The following UBE2G1 variants were observed in gnomAD, a reference collection of about 807,000 sequenced individuals.
UBE2G1 encodes the protein ubiquitin-conjugating enzyme E2 G1.
Under a neutral mutation model 22.7 loss-of-function variants are expected in UBE2G1, and 5 were observed. That is an observed-to-expected ratio of 0.22 (90% CI 0.12 to 0.46). The LOEUF (loss-of-function observed/expected upper bound fraction) is 0.46, where lower values mean the gene tolerates loss of function less well. UBE2G1 is among the 20% of genes least tolerant of loss of function. The pLI, the probability that UBE2G1 is intolerant of heterozygous loss-of-function variation, is 0.99. For missense variants in UBE2G1, 88 were observed against 203.9 expected (o/e 0.43, Z 3.46); for synonymous variants, 74 against 67.5 (o/e 1.10, Z -0.47).
chr17:4,276,560 A>C (rs866301943), intron 5 of UBE2G1, among the ~76,000 whole-genome samples: 4 of 152,314 alleles, frequency 2.6e-5, no homozygotes, highest in South Asian at 2.1e-4. Context: ...TATCTATCGC[A>C]TTCTATGTGT....
chr17:4,319,260 G>A (rs1969409488), intron 1 of UBE2G1, among the ~76,000 whole-genome samples: 2 of 152,124 alleles, frequency 1.3e-5, no homozygotes, highest in South Asian at 2.1e-4. Context: ...TCTGTCAAAT[G>A]AGGCACTGAA....
chr17:4,349,819 G>A (rs559374370), intron 1 of UBE2G1, among the ~76,000 whole-genome samples: 5 of 150,976 alleles, frequency 3.3e-5, no homozygotes, highest in East Asian at 1.9e-4. Flanking sequence ...CTCCAGTCTC[G>A]GCGACAGAGC....
At chr17:4,295,967 C>T (rs2325987) in intron 3 of UBE2G1, among the ~76,000 whole-genome samples, 140,741 of 146,716 alleles carry the variant, frequency 0.96, 67,815 homozygotes, top group East Asian at 1. Context: ...AAATGTAATA[C>T]GTTGTTTCAT....
intron 1 of UBE2G1, among the ~76,000 whole-genome samples, chr17:4,355,108 T>G (rs1417396469): frequency 6.6e-6 from 1 of 151,756 alleles, no homozygotes; most frequent in Non-Finnish European, 1.5e-5. Context: ...AAACAAAGAT[T>G]TGATGTGATT....
intron 1 of UBE2G1, among the ~76,000 whole-genome samples, chr17:4,322,823 G>C (rs930448533): frequency 6.6e-6 from 1 of 152,072 alleles, no homozygotes; most frequent in Non-Finnish European, 1.5e-5. Flanking sequence ...TAACAGTTAC[G>C]GTAATACTTC....
intron 1 of UBE2G1, among the ~76,000 whole-genome samples, chr17:4,308,076 G>A (rs1048106393): frequency 2.6e-5 from 4 of 152,166 alleles, no homozygotes; most frequent in South Asian, 2.1e-4. Context: ...CAATTTGGCC[G>A]GGCGTGGTGG....
intron 3 of UBE2G1, among the ~76,000 whole-genome samples, chr17:4,292,253 G>A (rs1330970123): frequency 6.6e-6 from 1 of 151,124 alleles, no homozygotes; most frequent in African/African-American, 2.4e-5. Context: ...TTGAACCTGG[G>A]AGGCGGAGGT....
chr17:4,306,280 C>T (rs1316320831), intron 2 of UBE2G1, among the ~76,000 whole-genome samples: 2 of 152,150 alleles, frequency 1.3e-5, no homozygotes, highest in Admixed American at 6.5e-5. Context: ...CTTCTGCCTC[C>T]TGAGTTCAAG....
At chr17:4,363,298 T>C (rs965212034) in intron 1 of UBE2G1, among the ~76,000 whole-genome samples, 2 of 152,152 alleles carry the variant, frequency 1.3e-5, no homozygotes, top group Non-Finnish European at 2.9e-5. Context: ...AACAATCCCA[T>C]TGTTTCTGAT....
intron 5 of UBE2G1, among the ~76,000 whole-genome samples, chr17:4,278,338 G>A (rs1056616083): frequency 6.6e-6 from 1 of 152,128 alleles, no homozygotes; most frequent in Middle Eastern, 3.2e-3. Flanking sequence ...CTACAGCAGG[G>A]GTGCCCAGTC....
chr17:4,269,948 G>T lies in UBE2G1; in HGVS notation c.*2606C>A, dbSNP rs1277463046. 2 of 152,718 alleles carry T rather than the reference G, an allele frequency of 1.3e-5. No individual in the cohort carries two copies. The highest frequency in any genetic ancestry group is 2.4e-5 in the African/African-American group (1 of 41,430). 9.5% of individuals were successfully genotyped at this position (152,718 alleles called of 1,614,324 possible). On this transcript the variant is annotated 3_prime_UTR_variant, in exon 6 of 6. Transcript: ENST00000396981. ...CCTGAATGTGGGTTTCGTATCAAAT[G>T]TAGAGGCATTTAAATTTACATTATC...
At chr17:4,361,832 C>T (rs955521597) in intron 1 of UBE2G1, among the ~76,000 whole-genome samples, 8 of 151,962 alleles carry the variant, frequency 5.3e-5, no homozygotes, top group African/African-American at 7.2e-5. Flanking sequence ...ATCCCAGCTA[C>T]TTGGGAGGCT....
chr17:4,312,694 TCA>T (rs869154403), intron 1 of UBE2G1, among the ~76,000 whole-genome samples: 1 of 26,030 alleles, frequency 3.8e-5, no homozygotes, highest in Admixed American at 7.7e-4. Flanking sequence ...AGACTCCATC[TCA>T]AAAAAAAAAA....
chr17:4,271,003 GCTA>G lies in UBE2G1; in HGVS notation c.*1548_*1550del, dbSNP rs2143659097. The G allele has an allele frequency of 6.6e-6, 1 of 152,284 alleles. No individual in the cohort carries two copies. The highest frequency in any genetic ancestry group is 1.9e-4 in the East Asian group (1 of 5,184). 9.4% of individuals were successfully genotyped at this position (152,284 alleles called of 1,614,324 possible). A position where few individuals can be genotyped will look rare whatever the true frequency, so the allele number is the denominator to read the frequency against. ...CACAATCAAACACCATGTCCCATCT[GCTA>G]CTGTCTCAAGTTCTATCCCTTATAA... On this transcript the variant is annotated 3_prime_UTR_variant, in exon 6 of 6. Transcript: ENST00000396981.
chr17:4,314,150 A>C (rs1412787779), intron 1 of UBE2G1, among the ~76,000 whole-genome samples: 1 of 152,224 alleles, frequency 6.6e-6, no homozygotes, highest in Non-Finnish European at 1.5e-5. Context: ...AGTAGTGCCC[A>C]GAATATGGTT....
intron 1 of UBE2G1, among the ~76,000 whole-genome samples, chr17:4,315,584 C>CA (rs71383546): frequency 2.7e-5 from 4 of 150,814 alleles, no homozygotes; most frequent in East Asian, 4.0e-4. Context: ...ACCAAAAATA[C>CA]AAAAAAATAG....
At chr17:4,306,869 C>A (rs74458278) in intron 2 of UBE2G1, 152 bp downstream of exon 2, 35,769 of 526,480 alleles carry the variant, frequency 0.068, 1,607 homozygotes, top group Non-Finnish European at 0.091. Context: ...CCAGGCTGGT[C>A]TCGAACTCCT....
chr17:4,357,505 GTGT>G (rs796584598), intron 1 of UBE2G1, among the ~76,000 whole-genome samples: 809 of 41,704 alleles, frequency 0.019, 37 homozygotes, highest in African/African-American at 0.065. Context: ...GTGTGTGTGT[GTGT>G]GGGGGGGGGG....
At chr17:4,301,976 T>C in intron 2 of UBE2G1, 1 of 491,090 alleles carries the variant, frequency 2.0e-6, no homozygotes, top group Non-Finnish European at 4.1e-6. Flanking sequence ...AATCTGTGCC[T>C]TCCTTGGCTC....
Sources: gnomAD v4.1 joint callset for allele counts (sites outside exome capture counted in the v4.1 genomes callset) on GRCh38, gnomAD v4.1.1 for gene constraint, MANE v1.5 for transcripts, NCBI Gene and HGNC (gene_info 2026-07-23, HGNC 2026-07-21) for gene names.